Variants in INPP1 observed in about 807,000 individuals in gnomAD.
INPP1 encodes inositol polyphosphate-1-phosphatase.
A neutral mutation model predicts 23.0 loss-of-function variants in INPP1; 18 were observed. That is an observed-to-expected ratio of 0.78 (90% CI 0.54 to 1.16). The LOEUF (loss-of-function observed/expected upper bound fraction) is 1.16, where lower values mean the gene tolerates loss of function less well. Among genes scored for constraint, INPP1 ranks in the 50% most tolerant of loss-of-function variants. The pLI, the probability that INPP1 is intolerant of heterozygous loss-of-function variation, is 0.00. For synonymous variants in INPP1, 164 were observed against 176.3 expected, an observed-to-expected ratio of 0.93 and a Z score of 0.55; for missense variants, 448 against 482.1, an observed-to-expected ratio of 0.93 and a Z score of 0.66.
intron 2 of INPP1, among the ~76,000 whole-genome samples, chr2:190,358,511 C>T (rs1346244681): frequency 2.0e-5 from 3 of 152,218 alleles, no homozygotes; most frequent in African/African-American, 7.2e-5. Context: ...AGCCACCATA[C>T]CTGGCCTATT....
chr2:190,352,086 C>T lies in INPP1; in HGVS notation c.-65+3055C>T, dbSNP rs1355381662. 3.3e-5 allele frequency among the ~76,000 whole-genome samples: 5 copies of T among 152,056 alleles called. No individual in the cohort carries two copies. The highest frequency in any genetic ancestry group is 9.7e-5 in the African/African-American group (4 of 41,380). ...ACTGTGTTTCTGTATGTTTATTGGC[C>T]ATTTGGATATCCTCCTGTATGAAGT... On this transcript the variant is annotated intron_variant, in intron 2 of 6. Transcript: ENST00000392329. This position sits in a 1 kb window ranked among gnomAD's most constrained non-coding sequence, Gnocchi z 4.7.
At chr2:190,351,946 T>C (rs1455785788) in intron 2 of INPP1, among the ~76,000 whole-genome samples, 1 of 152,252 alleles carries the variant, frequency 6.6e-6, no homozygotes, top group Non-Finnish European at 1.5e-5. Flanking sequence ...TGTTGCTCCA[T>C]ACCCTTAGCA....
chr2:190,358,148 C>T (rs1030428016), intron 2 of INPP1, among the ~76,000 whole-genome samples: 2 of 146,354 alleles, frequency 1.4e-5, no homozygotes, highest in African/African-American at 2.5e-5. Context: ...GGCGTAATCT[C>T]GGCTCACTGC....
chr2:190,368,929 G>A lies in INPP1; in HGVS notation c.467-174G>A. ...CAAGAGTTCTCACAGTCAGGAAAAT[G>A]AAACACAAGCAATTTAAAAGTAAAG... On this transcript the variant is annotated intron_variant, in intron 5 of 6. Coordinates refer to ENST00000392329, the MANE Select transcript of INPP1 (RefSeq NM_001128928.2). This position sits in a 1 kb window ranked among gnomAD's most constrained non-coding sequence, Gnocchi z 4.3. 2 of 417,600 alleles carry A rather than the reference G, an allele frequency of 4.8e-6. No individual in the cohort carries two copies. Among genetic ancestry groups the A allele is most frequent in the Non-Finnish European group, 8.5e-6 (2 of 235,282 alleles). The allele number at this position is 417,600 out of a possible 1,614,324, so 25.9% of individuals were successfully genotyped here.
At position 190,362,671 on chromosome 2, in the gene INPP1, G is replaced by A; in HGVS notation, c.249G>A (p.Glu83=). 1.3e-6 allele frequency: 2 copies of A among 1,599,042 alleles called. No individual in the cohort carries two copies. The highest frequency in any genetic ancestry group is 1.7e-6 in the Non-Finnish European group (2 of 1,168,044). ...ATATTTTTGGAGAAGAATCCAATGA[G>A]TTTACTAATGACTGGGGTAAGTATA... is the stretch of plus-strand genomic sequence containing the variant. ...EKNIFGEESN[E]FTNDWGEKIT... is the part of the protein sequence containing the mutation. The change falls in exon 4 of 7, where the codon GAG becomes GAA. Residue 83 remains glutamate, a synonymous_variant. Coordinates refer to ENST00000392329, the MANE Select transcript of INPP1 (RefSeq NM_001128928.2).
chr2:190,357,162 T>A (rs960553553), intron 2 of INPP1, among the ~76,000 whole-genome samples: 1 of 152,228 alleles, frequency 6.6e-6, no homozygotes, highest in Non-Finnish European at 1.5e-5. Context: ...GAGTTTTCAC[T>A]AGATCTTTTC....
At chr2:190,351,471 C>A (rs533850988) in intron 2 of INPP1, among the ~76,000 whole-genome samples, 1 of 152,344 alleles carries the variant, frequency 6.6e-6, no homozygotes, top group East Asian at 1.9e-4. Context: ...AGTAACCCCA[C>A]CTTCTTCTCC....
rs943956610 is a variant in INPP1, at chr2:190,355,412, A to C, written c.-64-4627A>C. ...GCCAGCAGGTGCCAGCTGCCACTAA[A>C]ATTGCCAGCATAGAGGTAAAGAAAA... On this transcript the variant is annotated intron_variant, in intron 2 of 6. Coordinates refer to ENST00000392329, the MANE Select transcript of INPP1 (RefSeq NM_001128928.2). The surrounding 1 kb of genome is among the most constrained non-coding windows in gnomAD (Gnocchi z 5.1). Among the ~76,000 whole-genome samples the C allele has an allele frequency of 6.6e-6, 1 of 152,176 alleles. No homozygotes were observed. The highest frequency in any genetic ancestry group is 1.5e-5 in the Non-Finnish European group (1 of 68,020).
intron 4 of INPP1, 108 bp from the exon 5 acceptor site, chr2:190,366,587 C>T (rs888154694): frequency 2.6e-6 from 2 of 759,904 alleles, no homozygotes; most frequent in Non-Finnish European, 2.2e-6. Context: ...CTCTCTCTGT[C>T]TCTCTCTCTC....
At chr2:190,344,669 A>G (rs1279529438) in intron 1 of INPP1, among the ~76,000 whole-genome samples, 1 of 152,232 alleles carries the variant, frequency 6.6e-6, no homozygotes, top group Non-Finnish European at 1.5e-5. Context: ...AGGCGCAAAG[A>G]GTGTGAAAGG....
chr2:190,371,096 C>T lies in INPP1; in HGVS notation c.894C>T (p.Val298=). ...AGAGYKSLCV[V]QGLVDIYIFS... ...CTGGTTATAAGAGCCTATGTGTTGT[C>T]CAAGGCCTCGTTGACATTTACATCT... is the stretch of plus-strand genomic sequence containing the variant. The change falls in exon 7 of 7, where the codon GTC becomes GTT. Residue 298 remains valine (V), a synonymous_variant. Coordinates refer to ENST00000392329, the MANE Select transcript of INPP1 (RefSeq NM_001128928.2). The surrounding 1 kb of genome is among the most constrained non-coding windows in gnomAD (Gnocchi z 5.3). The T allele has an allele frequency of 6.2e-7, 1 of 1,614,162 alleles. No individual in the cohort carries two copies. Among genetic ancestry groups the T allele is most frequent in the East Asian group, 2.2e-5 (1 of 44,882 alleles).
intron 2 of INPP1, among the ~76,000 whole-genome samples, chr2:190,359,286 T>C (rs1019077508): frequency 2.6e-5 from 4 of 151,928 alleles, no homozygotes; most frequent in Non-Finnish European, 5.9e-5. Context: ...GGTGACAGAG[T>C]GAGACCCTGT....
rs1243539227 is a variant in INPP1, at chr2:190,356,124, C to G, written c.-64-3915C>G. Among the ~76,000 whole-genome samples the G allele has an allele frequency of 6.6e-6, 1 of 152,156 alleles. No homozygotes were observed. The highest frequency in any genetic ancestry group is 2.4e-5 in the African/African-American group (1 of 41,444). The stretch of plus-strand genomic sequence containing the variant: ...TGCTTCCTTCAGGTTTGTGGCCTGC[C>G]TGTGTGAACTGAGTTGAGGATACAT... On this transcript the variant is annotated intron_variant, in intron 2 of 6. Coordinates refer to ENST00000392329, the MANE Select transcript of INPP1 (RefSeq NM_001128928.2). The surrounding 1 kb of genome is among the most constrained non-coding windows in gnomAD (Gnocchi z 6.4).
intron 3 of INPP1, among the ~76,000 whole-genome samples, chr2:190,360,676 C>G (rs2067409): frequency 0.41 from 62,553 of 152,038 alleles, 14,887 homozygotes; most frequent in African/African-American, 0.66. Flanking sequence ...GAGAAAACCA[C>G]AGCTATGCTT....
rs770180318 is a variant in INPP1 at position 190,363,974 on chromosome 2, A to T, written c.265+1287A>T. Among the ~76,000 whole-genome samples, 1 of 152,178 alleles carries T rather than the reference A, an allele frequency of 6.6e-6. No homozygotes were observed. The highest frequency in any genetic ancestry group is 1.5e-5 in the Non-Finnish European group (1 of 68,026). ...GGATTTAGATTTCCCTCTCAGTGGG[A>T]TGGGAGGTCTCTGGCAAATTTCAAG... On this transcript the variant is annotated intron_variant, in intron 4 of 6. Coordinates refer to ENST00000392329, the MANE Select transcript of INPP1 (RefSeq NM_001128928.2). The surrounding 1 kb of genome is among the most constrained non-coding windows in gnomAD (Gnocchi z 4.4).
At position 190,368,077 on chromosome 2, in the gene INPP1, C is replaced by T. The variant is rs1343531252; in HGVS notation, c.467-1026C>T. On this transcript the variant is annotated intron_variant, in intron 5 of 6. Coordinates refer to ENST00000392329, the MANE Select transcript of INPP1 (RefSeq NM_001128928.2). This position sits in a 1 kb window ranked among gnomAD's most constrained non-coding sequence, Gnocchi z 4.3. ...TTCAGATAATTATATCACATTCAGC[C>T]AGTGGATGATATATGGAAACTAAAA... 6.6e-6 allele frequency among the ~76,000 whole-genome samples: 1 copy of T among 152,126 alleles called. No homozygotes were observed. Among genetic ancestry groups the T allele is most frequent in the African/African-American group, 2.4e-5 (1 of 41,430 alleles).
At position 190,349,864 on chromosome 2, in the gene INPP1, G is replaced by C. The variant is rs186623734; in HGVS notation, c.-65+833G>C. Among the ~76,000 whole-genome samples, 166 of 152,222 alleles carry C rather than the reference G, an allele frequency of 1.1e-3. 2 individuals are homozygous for C. The highest frequency in any genetic ancestry group is 4.4e-4 in the Non-Finnish European group (30 of 68,000). On this transcript the variant is annotated intron_variant, in intron 2 of 6. Transcript: ENST00000392329. ...AGTTTTTGTCGGTTTGTTTGTTTTT[G>C]AGACAGAGTTCACCGTGTCACCTAG...
In INPP1 at chr2:190,371,215, TAGAA is replaced by T; in HGVS notation, c.1019_1022del (p.Arg340IlefsTer45). 3 of 1,613,476 alleles carry T rather than the reference TAGAA, an allele frequency of 1.9e-6. No homozygotes were observed. The highest frequency in any genetic ancestry group is 2.5e-6 in the Non-Finnish European group (3 of 1,179,474). On this transcript the variant is annotated frameshift_variant, in exon 7 of 7. Coordinates refer to ENST00000392329, the MANE Select transcript of INPP1 (RefSeq NM_001128928.2). LOFTEE classifies it low-confidence loss of function (END_TRUNC). The surrounding 1 kb of genome is among the most constrained non-coding windows in gnomAD (Gnocchi z 5.3). ...GGAATAGTAGACTTGAAAGAATGCTTAGAAAGAAATCCAGAAACAGGGCTTGATT... is the reference window on the plus strand; with the variant it reads ...GGAATAGTAGACTTGAAAGAATGCTTAGAAATCCAGAAACAGGGCTTGATT...
rs535071347 is a variant in INPP1, at chr2:190,356,200, C to T, written c.-64-3839C>T. Among the ~76,000 whole-genome samples the T allele has an allele frequency of 6.6e-6, 1 of 152,252 alleles. No homozygotes were observed. The highest frequency in any genetic ancestry group is 1.9e-4 in the East Asian group (1 of 5,182). On this transcript the variant is annotated intron_variant, in intron 2 of 6. Transcript: ENST00000392329. The surrounding 1 kb of genome is among the most constrained non-coding windows in gnomAD (Gnocchi z 6.4). The stretch of plus-strand genomic sequence containing the variant: ...GAAGTAGCTGAACAAATGCTGGGCT[C>T]ATTAGCATGGCTGGTGAAAGTGGTT...
Sources: gnomAD v4.1 joint callset for allele counts (sites outside exome capture counted in the v4.1 genomes callset) on GRCh38, gnomAD v4.1.1 for gene constraint, Gnocchi (gnomAD v3.1) non-coding constraint, MANE v1.5 for transcripts, NCBI Gene and HGNC (gene_info 2026-07-23, HGNC 2026-07-21) for gene names.